The following FER1L6 variants were observed in gnomAD, a reference collection of about 807,000 sequenced individuals.
FER1L6 encodes the protein fer-1-like protein 6.
Under a neutral mutation model 219.2 loss-of-function variants are expected in FER1L6, and 177 were observed. The observed-to-expected ratio is 0.81, with a 90% CI of 0.71 to 0.91. The LOEUF is 0.91. Ranked by LOEUF, FER1L6 falls within the 40% of genes least tolerant of loss-of-function variation. The pLI is 0.00. For synonymous variants in FER1L6, 768 were observed against 824.3 expected (o/e 0.93, Z 1.17); for missense variants, 2,153 against 2,259.9 (o/e 0.95, Z 0.96).
intron 1 of FER1L6, chr8:123,939,268 A>C: frequency 1.1e-6 from 1 of 880,406 alleles, no homozygotes; most frequent in Non-Finnish European, 1.4e-6. Context: ...ATTTTTGATA[A>C]ATTTTATTAC....
rs569056035 is a variant in FER1L6 at position 123,933,368 on chromosome 8, A to G, written c.-7-22624A>G. Among the ~76,000 whole-genome samples, 49 of 137,590 alleles carry G rather than the reference A, an allele frequency of 3.6e-4. 1 individual carries two copies. The highest frequency in any genetic ancestry group is 3.6e-3 in the Middle Eastern group (1 of 280). The allele number at this position is 137,590 out of a possible 152,430, so 90.3% of individuals were successfully genotyped here. ...TATAGTCTGATCTTTCTATCATAGC[A>G]TATGTGTGTCTGTGTGTGTGTGTGT... On this transcript the variant is annotated intron_variant, in intron 1 of 40. Coordinates refer to ENST00000522917, the MANE Select transcript of FER1L6 (RefSeq NM_001039112.2).
chr8:123,962,205 A>T (rs1238796071), intron 2 of FER1L6, among the ~76,000 whole-genome samples: 1 of 152,006 alleles, frequency 6.6e-6, no homozygotes, highest in Non-Finnish European at 1.5e-5. Context: ...TGGTCTTTTT[A>T]TCAGGAGAAA....
intron 1 of FER1L6, among the ~76,000 whole-genome samples, chr8:123,946,857 C>T (rs778900373): frequency 2.0e-5 from 3 of 152,192 alleles, no homozygotes; most frequent in East Asian, 1.9e-4. Flanking sequence ...CACAAAGACA[C>T]GGAAATGACT....
intron 14 of FER1L6, among the ~76,000 whole-genome samples, chr8:124,012,424 G>C (rs751520163): frequency 2.6e-5 from 4 of 152,164 alleles, no homozygotes; most frequent in Non-Finnish European, 4.4e-5. Flanking sequence ...TTTTTTCCTA[G>C]AGGCCATAGT....
chr8:123,985,964 C>T (rs910019874), intron 11 of FER1L6, 104 bp from the exon 12 acceptor site: 14 of 677,620 alleles, frequency 2.1e-5, no homozygotes, highest in Non-Finnish European at 3.4e-5. Context: ...AAACAGAGAC[C>T]CAAATGTTTA....
chr8:123,953,939 CA>C (rs1354968656), intron 1 of FER1L6, among the ~76,000 whole-genome samples: 2 of 152,230 alleles, frequency 1.3e-5, no homozygotes, highest in East Asian at 1.9e-4. Context: ...GTATGTTCTC[CA>C]GAGATTCCTG....
chr8:123,971,397 C>T (rs1046902416), intron 6 of FER1L6, among the ~76,000 whole-genome samples: 5 of 152,164 alleles, frequency 3.3e-5, no homozygotes, highest in Non-Finnish European at 4.4e-5. Context: ...GGACTTTGTT[C>T]CATTGCTCAG....
chr8:123,958,440 A>T (rs963125418), intron 2 of FER1L6, among the ~76,000 whole-genome samples: 20 of 152,170 alleles, frequency 1.3e-4, no homozygotes, highest in African/African-American at 4.6e-4. Flanking sequence ...TACAGGAGGG[A>T]GGCTGACCCC....
Position 123,933,895 on chromosome 8 carries a change from A to T in FER1L6, c.-7-22097A>T, listed in dbSNP as rs570156245. 1.3e-4 allele frequency among the ~76,000 whole-genome samples: 20 copies of T among 152,278 alleles called. No homozygotes were observed. The East Asian group carries it at 3.9e-3, about 29-fold the overall frequency. On this transcript the variant is annotated intron_variant, in intron 1 of 40. Transcript: ENST00000522917. Reference sequence around the variant, plus strand: ...GAAGCATTTCAAGATAGAGTAATAAACACCTGTAGGCATTTTACCTTGATA... The same window carrying T: ...GAAGCATTTCAAGATAGAGTAATAATCACCTGTAGGCATTTTACCTTGATA...
chr8:123,938,478 G>A (rs1468699088), intron 1 of FER1L6, among the ~76,000 whole-genome samples: 1 of 151,656 alleles, frequency 6.6e-6, no homozygotes, highest in East Asian at 1.9e-4. Flanking sequence ...TAAGTCCAGT[G>A]CTAAAACTTG....
In FER1L6 at chr8:123,980,455, G is replaced by T; in HGVS notation, c.1064-10G>T. 2.5e-6 allele frequency: 4 copies of T among 1,572,394 alleles called. No individual in the cohort carries two copies. The highest frequency in any genetic ancestry group is 3.4e-6 in the Non-Finnish European group (4 of 1,161,030). On this transcript the variant is annotated splice_polypyrimidine_tract_variant and intron_variant, in intron 10 of 40. Transcript: ENST00000522917. The stretch of plus-strand genomic sequence containing the variant: ...CATAATGAGATAACTAAAACCTGGG[G>T]TCTCTCTAGGCTTTCTGCCCACCTT...
intron 2 of FER1L6, among the ~76,000 whole-genome samples, chr8:123,961,606 T>G (rs1416224797): frequency 1.3e-5 from 2 of 152,062 alleles, no homozygotes; most frequent in Non-Finnish European, 2.9e-5. Context: ...AGACAGGAAT[T>G]CAAACTGAAA....
chr8:123,978,488 C>G (rs1323689179), intron 10 of FER1L6, among the ~76,000 whole-genome samples: 1 of 152,120 alleles, frequency 6.6e-6, no homozygotes, highest in African/African-American at 2.4e-5. Context: ...TCTTTATTTG[C>G]AAAACCCAAA....
In FER1L6 at chr8:124,060,556, C is replaced by T. The variant is rs929128288; in HGVS notation, c.2994C>T (p.Phe998=). 2 of 1,613,854 alleles carry T rather than the reference C, an allele frequency of 1.2e-6. No individual in the cohort carries two copies. Among genetic ancestry groups the T allele is most frequent in the Non-Finnish European group, 1.7e-6 (2 of 1,179,976 alleles). Residue 998 remains phenylalanine (F), a synonymous_variant, in exon 24 of 41, where the codon TTC becomes TTT. Transcript: ENST00000522917. ...GCTGGTCTTTTCCTCAGGTTCTCTT[C>T]TGGGGAGTTCGGGAAATGAAGAAGG... is the stretch of plus-strand genomic sequence containing the variant. ...VLSKYRVEVL[F]WGVREMKKVQ...
At chr8:124,081,976 T>G (rs1208404786) in intron 32 of FER1L6, among the ~76,000 whole-genome samples, 1 of 152,172 alleles carries the variant, frequency 6.6e-6, no homozygotes, top group African/African-American at 2.4e-5. Context: ...AAACCAAAAT[T>G]AAAAATCAGT....
In FER1L6 at chr8:124,097,883, G is replaced by C. The variant is rs201085370; in HGVS notation, c.4883G>C (p.Gly1628Ala). 6.6e-7 allele frequency: 1 copy of C among 1,521,646 alleles called. No homozygotes were observed. The highest frequency in any genetic ancestry group is 9.1e-7 in the Non-Finnish European group (1 of 1,096,066). The allele number at this position is 1,521,646 out of a possible 1,614,324, so 94.3% of individuals were successfully genotyped here. A position where few individuals can be genotyped will look rare whatever the true frequency, so the allele number is the denominator to read the frequency against. Reference sequence around the variant, plus strand: ...AAATCAAGTGATATTTATGTGAAAGGGTAAGGTTATCAACAAACTCCAACC... The same window carrying C: ...AAATCAAGTGATATTTATGTGAAAGCGTAAGGTTATCAACAAACTCCAACC... ...GQKSSDIYVKGWLKGLEDDKQ... is the reference protein window; with the variant it reads ...GQKSSDIYVKAWLKGLEDDKQ... The change falls in exon 37 of 41, where the codon GGG (glycine) becomes GCG (alanine). Residue 1628 changes from glycine to alanine, a missense_variant and splice_region_variant. Physicochemically the swap from Gly to Ala is moderately conservative, Grantham distance 60 (BLOSUM62 0). Transcript: ENST00000522917.
intron 19 of FER1L6, among the ~76,000 whole-genome samples, chr8:124,036,976 G>A (rs1819244209): frequency 6.6e-6 from 1 of 152,218 alleles, no homozygotes; most frequent in South Asian, 2.1e-4. Flanking sequence ...AGAGATGAGT[G>A]AGAGGTGATT....
intron 40 of FER1L6, 69 bp downstream of exon 40, chr8:124,119,013 T>A (rs1823368511): frequency 1.5e-6 from 2 of 1,299,708 alleles, no homozygotes; most frequent in Admixed American, 3.6e-5. Flanking sequence ...TGGTGTCTGA[T>A]AATGGCATTT....
intron 12 of FER1L6, among the ~76,000 whole-genome samples, chr8:123,995,808 A>G (rs1447250973): frequency 6.6e-6 from 1 of 152,066 alleles, no homozygotes; most frequent in Non-Finnish European, 1.5e-5. Context: ...TTATTGCTAT[A>G]AACATTCCTC....
Sources: allele counts gnomAD v4.1 joint callset (sites outside exome capture counted in the v4.1 genomes callset), GRCh38; gene constraint gnomAD v4.1.1; transcripts MANE v1.5; gene names NCBI Gene and HGNC (gene_info 2026-07-23, HGNC 2026-07-21).